LAMC3: variants seen among roughly 807,000 people sequenced by gnomAD.
LAMC3 encodes the protein laminin subunit gamma-3.
LAMC3 carries 128 observed loss-of-function variants against 173.8 expected under a neutral mutation model. The ratio of observed to expected loss-of-function variants is 0.74; its 90% CI spans 0.64 to 0.85. The LOEUF is 0.85. LAMC3 is among the 40% of genes least tolerant of loss of function. The pLI, the probability that LAMC3 is intolerant of heterozygous loss-of-function variation, is 0.00. For missense variants in LAMC3, 2,022 were observed against 2,156.0 expected (o/e 0.94, Z 1.23); for synonymous variants, 897 against 909.1 (o/e 0.99, Z 0.24).
In LAMC3 at chr9:131,087,600, A is replaced by G. The variant is rs1394768180; in HGVS notation, c.4355A>G (p.Gln1452Arg). ...GTGCTGGCGTCTGAAGCACGCAGAC[A>G]GGAGCTGGAGGAAGCTGAGCGGGTA... ...QQVLASEARRQELEEAERVGA... is the reference protein window; with the variant it reads ...QQVLASEARRRELEEAERVGA... The change falls in exon 26 of 28, where the codon CAG (glutamine) becomes CGG (arginine). Residue 1452 changes from glutamine to arginine, a missense_variant. Coordinates refer to ENST00000361069, the MANE Select transcript of LAMC3 (RefSeq NM_006059.4). 1.2e-6 allele frequency: 2 copies of G among 1,613,910 alleles called. No individual in the cohort carries two copies. The highest frequency in any genetic ancestry group is 1.7e-6 in the Non-Finnish European group (2 of 1,180,026).
chr9:131,013,487 TTGCTTGGTGGTCACCC>T (rs1236782814), intron 1 of LAMC3, among the ~76,000 whole-genome samples: 31 of 152,312 alleles, frequency 2.0e-4, no homozygotes, highest in Admixed American at 2.0e-3. Flanking sequence ...ATTTAGCCGT[TTGCTTGGTGGTCACCC>T]AGCCTTGGCT....
intron 15 of LAMC3, 144 bp downstream of exon 15, chr9:131,068,375 C>T: frequency 1.2e-6 from 1 of 831,052 alleles, no homozygotes. Flanking sequence ...CGAAGGGGAG[C>T]AAAGGGATGG....
intron 24 of LAMC3, among the ~76,000 whole-genome samples, 173 bp downstream of exon 24, chr9:131,082,334 A>G (rs1224996407): frequency 6.6e-6 from 1 of 152,134 alleles, no homozygotes; most frequent in Non-Finnish European, 1.5e-5. Flanking sequence ...CATCTCATAC[A>G]TCACTCACCT....
chr9:131,075,030 G>A (rs1830099463), intron 20 of LAMC3, among the ~76,000 whole-genome samples: 1 of 152,174 alleles, frequency 6.6e-6, no homozygotes, highest in East Asian at 1.9e-4. Context: ...TTGGGAGGCT[G>A]AGGCATGAGG....
Position 131,041,366 on chromosome 9 carries a change from C to A in LAMC3, c.1284-271C>A, listed in dbSNP as rs867275437. ...TGGGTGGCAAAGTGTGACTCTGTCC[C>A]AAAAAAAAAGATTCATGGATGATGA... On this transcript the variant is annotated intron_variant, in intron 6 of 27. Transcript: ENST00000361069. 4.3e-3 allele frequency among the ~76,000 whole-genome samples: 494 copies of A among 114,360 alleles called. 1 individual carries two copies. The highest frequency in any genetic ancestry group is 9.4e-3 in the Middle Eastern group (2 of 212). The allele number at this position is 114,360 out of a possible 152,430, so 75.0% of individuals were successfully genotyped here. A position where few individuals can be genotyped will look rare whatever the true frequency, so the allele number is the denominator to read the frequency against.
Position 131,091,793 on chromosome 9 carries a change from G to T in LAMC3, c.*6G>T. On this transcript the variant is annotated 3_prime_UTR_variant, in exon 28 of 28. Transcript: ENST00000361069. ...ACTGTGCCAGCTGGCAGTGAGGGCT[G>T]CCCAGATCCCCGGCACACACTCCCC... The T allele has an allele frequency of 6.2e-7, 1 of 1,611,746 alleles. No individual in the cohort carries two copies. Among genetic ancestry groups the T allele is most frequent in the South Asian group, 1.1e-5 (1 of 91,024 alleles).
At chr9:131,039,979 A>G (rs1464427328) in intron 6 of LAMC3, among the ~76,000 whole-genome samples, 1 of 151,026 alleles carries the variant, frequency 6.6e-6, no homozygotes, top group Non-Finnish European at 1.5e-5. Context: ...AAAAACAAAA[A>G]CAAAACAAAA....
intron 1 of LAMC3, among the ~76,000 whole-genome samples, chr9:131,018,692 C>G (rs1833575007): frequency 6.6e-6 from 1 of 152,164 alleles, no homozygotes; most frequent in Non-Finnish European, 1.5e-5. Context: ...CCTCGCCTGT[C>G]TAGCTCCCAT....
At chr9:131,034,304 A>G (rs948754021) in intron 3 of LAMC3, among the ~76,000 whole-genome samples, 3 of 152,142 alleles carry the variant, frequency 2.0e-5, no homozygotes, top group African/African-American at 7.2e-5. Context: ...CCTGGTGACC[A>G]CTGTCCCCAG....
chr9:131,090,990 C>T (rs996819639), intron 27 of LAMC3, among the ~76,000 whole-genome samples: 1 of 152,232 alleles, frequency 6.6e-6, no homozygotes, highest in African/African-American at 2.4e-5. Context: ...CACTGCACTC[C>T]AGCCTGGACA....
chr9:131,064,839 C>T (rs1829897630), intron 13 of LAMC3, among the ~76,000 whole-genome samples: 1 of 151,708 alleles, frequency 6.6e-6, no homozygotes, highest in African/African-American at 2.4e-5. Context: ...TCAGGAGTTC[C>T]AGACCAGCAT....
At chr9:131,047,656 A>C (rs1254002957) in intron 8 of LAMC3, among the ~76,000 whole-genome samples, 1 of 151,040 alleles carries the variant, frequency 6.6e-6, no homozygotes. Context: ...TGAGGTCAAG[A>C]GTTCGAGACC....
In LAMC3 at chr9:131,091,712, C is replaced by G. The variant is rs182704192; in HGVS notation, c.4653C>G (p.Ala1551=). The change falls in exon 28 of 28, where the codon GCC becomes GCG. Residue 1551 remains alanine, a synonymous_variant. Transcript: ENST00000361069. ...LQIQGFESDL[A]EIRADKQNLE... ...TCCAGGGCTTCGAGAGTGACCTCGC[C>G]GAGATCCGCGCCGACAAACAGAACC... is the stretch of plus-strand genomic sequence containing the variant. 2 of 1,612,372 alleles carry G rather than the reference C, an allele frequency of 1.2e-6. No homozygotes were observed. Among genetic ancestry groups the G allele is most frequent in the Non-Finnish European group, 8.5e-7 (1 of 1,179,632 alleles).
In LAMC3 at chr9:131,052,932, C is replaced by T. The variant is rs146323626; in HGVS notation, c.1906C>T (p.Arg636Cys). ...QRLLANLTSL[R>C]LRVSPGPSPA... Reference sequence around the variant, plus strand: ...GCTCCTCGCCAACCTGACCAGCCTCCGCCTCCGCGTCAGTCCCGGCCCCAG... The same window carrying T: ...GCTCCTCGCCAACCTGACCAGCCTCTGCCTCCGCGTCAGTCCCGGCCCCAG... Residue 636 changes from arginine (R) to cysteine (C), a missense_variant, in exon 11 of 28, where the codon CGC becomes TGC. Transcript: ENST00000361069. The T allele has an allele frequency of 5.9e-5, 95 of 1,613,652 alleles. No individual in the cohort carries two copies. The highest frequency in any genetic ancestry group is 1.6e-4 in the Middle Eastern group (1 of 6,062).
intron 11 of LAMC3, among the ~76,000 whole-genome samples, chr9:131,054,188 A>C (rs1331757315): frequency 6.6e-6 from 1 of 152,110 alleles, no homozygotes; most frequent in Non-Finnish European, 1.5e-5. Flanking sequence ...CTCTTCATCC[A>C]CATGACAACC....
chr9:131,038,094 C>T (rs1024562826), intron 4 of LAMC3, among the ~76,000 whole-genome samples: 1 of 152,226 alleles, frequency 6.6e-6, no homozygotes, highest in Non-Finnish European at 1.5e-5. Context: ...CTGTCTGCGA[C>T]GCCCTTCCCG....
rs368648777 is a variant in LAMC3 at position 131,039,165 on chromosome 9, C to G, written c.1200C>G (p.Thr400=). The G allele has an allele frequency of 3.7e-6, 6 of 1,611,064 alleles. No homozygotes were observed. In the African/African-American group the frequency reaches 6.7e-5, roughly 18 times the overall value. The change falls in exon 6 of 28, where the codon ACC becomes ACG. Residue 400 remains threonine (T), a synonymous_variant. Coordinates refer to ENST00000361069, the MANE Select transcript of LAMC3 (RefSeq NM_006059.4). ...ACCTCCAGTGCGATGACACAGGCAC[C>G]TGCGCCTGCAAGCCCACGGTGACTG... The part of the protein sequence containing the change: ...SLHLQCDDTG[T]CACKPTVTGW...
At chr9:131,049,903 C>T (rs1834247598) in intron 9 of LAMC3, among the ~76,000 whole-genome samples, 1 of 152,218 alleles carries the variant, frequency 6.6e-6, no homozygotes, top group South Asian at 2.1e-4. Context: ...GAACCCAGAG[C>T]CTAGAGCCCA....
At chr9:131,031,979 G>T in intron 2 of LAMC3, 66 bp from the exon 3 acceptor site, 1 of 1,613,238 alleles carries the variant, frequency 6.2e-7, no homozygotes, top group South Asian at 1.1e-5. Flanking sequence ...TCTGCCAGCA[G>T]AGCGATGGGG....
Sources: gnomAD v4.1 joint callset for allele counts (sites outside exome capture counted in the v4.1 genomes callset) on GRCh38, gnomAD v4.1.1 for gene constraint, MANE v1.5 for transcripts, NCBI Gene and HGNC (gene_info 2026-07-23, HGNC 2026-07-21) for gene names.